Variants in CDH12 observed in about 807,000 individuals in gnomAD.
The protein encoded by CDH12 is cadherin 12, also known as cadherin-12.
In CDH12, 41 loss-of-function variants were observed where a neutral mutation model predicts 74.1. The observed-to-expected ratio is 0.55, with a 90% CI of 0.43 to 0.72. CDH12 has a LOEUF of 0.72. Ranked by LOEUF, CDH12 falls within the 30% of genes least tolerant of loss-of-function variation. CDH12 has a pLI of 0.00. For missense variants in CDH12, 945 were observed against 977.2 expected (o/e 0.97, Z 0.44); for synonymous variants, 399 against 355.0 (o/e 1.12, Z -1.39).
At chr5:22,596,562 A>T (rs1356067755) in intron 1 of CDH12, among the ~76,000 whole-genome samples, 2 of 152,228 alleles carry the variant, frequency 1.3e-5, no homozygotes, top group African/African-American at 2.4e-5. Context: ...ATCTGAGTTC[A>T]TCAAATGACT....
chr5:22,145,154 A>G (rs534858997), intron 4 of CDH12, among the ~76,000 whole-genome samples: 5 of 152,116 alleles, frequency 3.3e-5, no homozygotes, highest in Non-Finnish European at 5.9e-5. Context: ...ACGTCAAGAC[A>G]GTTGCATTGT....
At chr5:22,479,153 C>A (rs576523481) in intron 2 of CDH12, among the ~76,000 whole-genome samples, 1 of 152,326 alleles carries the variant, frequency 6.6e-6, no homozygotes, top group East Asian at 1.9e-4. Context: ...TTATCATCAA[C>A]ATTTTCTTGT....
chr5:22,136,104 G>A (rs556170296), intron 4 of CDH12, among the ~76,000 whole-genome samples: 3 of 152,098 alleles, frequency 2.0e-5, no homozygotes, highest in East Asian at 1.9e-4. Context: ...GGATAGGTAA[G>A]TTATATTGCA....
chr5:22,044,273 T>A lies in CDH12; in HGVS notation c.231+34173A>T, dbSNP rs564673091. Among the ~76,000 whole-genome samples, 307 of 152,274 alleles carry A rather than the reference T, an allele frequency of 2.0e-3. 4 individuals carry two copies. Among genetic ancestry groups the A allele is most frequent in the African/African-American group, 6.8e-3 (282 of 41,550 alleles). On this transcript the variant is annotated intron_variant, in intron 5 of 14. Coordinates refer to ENST00000382254, the MANE Select transcript of CDH12 (RefSeq NM_004061.5). Reference sequence around the variant, plus strand: ...CCCATGGAGAATGTATTAGTCCATTTTCACACTGCTATAATGATACTACCT... The same window carrying A: ...CCCATGGAGAATGTATTAGTCCATTATCACACTGCTATAATGATACTACCT...
At chr5:22,464,397 TTCC>T (rs1745642047) in intron 2 of CDH12, among the ~76,000 whole-genome samples, 1 of 152,222 alleles carries the variant, frequency 6.6e-6, no homozygotes. Flanking sequence ...CTTTTGTTCT[TTCC>T]TCAACTCTTC....
Position 22,434,592 on chromosome 5 carries a change from C to T in CDH12, c.-427-29241G>A, listed in dbSNP as rs532261694. On this transcript the variant is annotated intron_variant, in intron 2 of 14. Coordinates refer to ENST00000382254, the MANE Select transcript of CDH12 (RefSeq NM_004061.5). Reference sequence around the variant, plus strand: ...TAATCACCAACCGAATCCATCCTAACGTCTTCCTCTCATATTCCTTGCATC... The same window carrying T: ...TAATCACCAACCGAATCCATCCTAATGTCTTCCTCTCATATTCCTTGCATC... Among the ~76,000 whole-genome samples the T allele has an allele frequency of 5.9e-5, 9 of 152,128 alleles. No homozygotes were observed. The East Asian group carries it at 1.5e-3, about 26-fold the overall frequency.
chr5:21,829,165 C>A (rs766133415), intron 8 of CDH12, among the ~76,000 whole-genome samples: 1 of 152,054 alleles, frequency 6.6e-6, no homozygotes, highest in Admixed American at 6.6e-5. Context: ...TGTGGTAGTG[C>A]GTACCTGTAA....
At chr5:22,239,903 T>C (rs1006348111) in intron 3 of CDH12, among the ~76,000 whole-genome samples, 1 of 152,204 alleles carries the variant, frequency 6.6e-6, no homozygotes, top group Non-Finnish European at 1.5e-5. Flanking sequence ...TTAATGTGAG[T>C]AAATATGAAG....
chr5:22,826,668 C>A (rs1736345091), intron 1 of CDH12, among the ~76,000 whole-genome samples: 1 of 152,152 alleles, frequency 6.6e-6, no homozygotes, highest in Non-Finnish European at 1.5e-5. Flanking sequence ...TTGTTGGGAA[C>A]TGGAGCAAAG....
chr5:22,300,559 A>T (rs1227023360), intron 3 of CDH12, among the ~76,000 whole-genome samples: 1 of 152,242 alleles, frequency 6.6e-6, no homozygotes, highest in African/African-American at 2.4e-5. Flanking sequence ...TTTTCAATTG[A>T]AAAACGTGAA....
intron 3 of CDH12, among the ~76,000 whole-genome samples, chr5:22,349,766 G>T (rs991833035): frequency 6.6e-6 from 1 of 152,040 alleles, no homozygotes; most frequent in Non-Finnish European, 1.5e-5. Flanking sequence ...ACGGAGTCTG[G>T]CTCTGTCGCC....
At chr5:22,202,607 G>A (rs1750988981) in intron 4 of CDH12, among the ~76,000 whole-genome samples, 1 of 152,100 alleles carries the variant, frequency 6.6e-6, no homozygotes, top group Non-Finnish European at 1.5e-5. Context: ...CAAAAAAGTG[G>A]CCTTTTTTGT....
intron 4 of CDH12, among the ~76,000 whole-genome samples, chr5:22,106,755 A>T (rs1384999648): frequency 3.9e-5 from 6 of 152,186 alleles, no homozygotes; most frequent in Non-Finnish European, 5.9e-5. Flanking sequence ...ATGCACTAAA[A>T]ATTACTCTGT....
chr5:22,102,281 A>C (rs564298417), intron 4 of CDH12, among the ~76,000 whole-genome samples: 15 of 152,184 alleles, frequency 9.9e-5, no homozygotes, highest in Non-Finnish European at 1.8e-4. Flanking sequence ...TATTTTTTGT[A>C]ACCAAGATAC....
chr5:22,664,760 G>A (rs550169928), intron 1 of CDH12, among the ~76,000 whole-genome samples: 2 of 152,268 alleles, frequency 1.3e-5, no homozygotes, highest in South Asian at 2.1e-4. Context: ...GACAGGTTAA[G>A]TAATTTGTCC....
intron 7 of CDH12, among the ~76,000 whole-genome samples, chr5:21,851,926 A>G (rs1230670309): frequency 6.6e-6 from 1 of 151,348 alleles, no homozygotes; most frequent in Admixed American, 6.6e-5. Flanking sequence ...GGTTTTGATG[A>G]GACTTTTCTT....
intron 1 of CDH12, among the ~76,000 whole-genome samples, chr5:22,526,303 A>T (rs1304072126): frequency 6.6e-6 from 1 of 152,216 alleles, no homozygotes; most frequent in Non-Finnish European, 1.5e-5. Context: ...TCAAATTGGC[A>T]TAATGTCATC....
intron 4 of CDH12, among the ~76,000 whole-genome samples, chr5:22,093,253 C>A (rs561879942): frequency 6.6e-6 from 1 of 152,132 alleles, no homozygotes; most frequent in Admixed American, 6.5e-5. Context: ...TCTTAAGTGG[C>A]TAAAAATCTA....
chr5:22,262,185 G>A (rs1269052534), intron 3 of CDH12, among the ~76,000 whole-genome samples: 2 of 150,774 alleles, frequency 1.3e-5, no homozygotes, highest in African/African-American at 4.9e-5. Flanking sequence ...AGTTACATAT[G>A]TATACATGTG....
Sources: allele counts gnomAD v4.1 joint callset (sites outside exome capture counted in the v4.1 genomes callset), GRCh38; gene constraint gnomAD v4.1.1; transcripts MANE v1.5; gene names NCBI Gene and HGNC (gene_info 2026-07-23, HGNC 2026-07-21).